Variants in SAMD5 observed in about 807,000 individuals in gnomAD.
The protein encoded by SAMD5 is sterile alpha motif domain containing 5, also known as sterile alpha motif domain-containing protein 5.
A neutral mutation model predicts 11.3 loss-of-function variants in SAMD5; 13 were observed. The ratio of observed to expected loss-of-function variants is 1.15; its 90% CI spans 0.75 to 1.83. The LOEUF is 1.83. SAMD5 is among the 40% of genes most tolerant of loss of function. SAMD5 has a pLI of 0.00. For synonymous variants in SAMD5, 129 were observed against 111.3 expected, an observed-to-expected ratio of 1.16 and a Z score of -1.00; for missense variants, 255 against 239.1, an observed-to-expected ratio of 1.07 and a Z score of -0.44.
At chr6:147,863,641 A>T in the SAMD5 span, among the ~76,000 whole-genome samples, 9 of 150,870 alleles carry the variant, frequency 6.0e-5, no homozygotes, top group South Asian at 1.9e-3. Context: ...TCAGGCAGAC[A>T]TTTATAGATA....
At chr6:147,842,350 G>A in the SAMD5 span, among the ~76,000 whole-genome samples, 1 of 151,896 alleles carries the variant, frequency 6.6e-6, no homozygotes, top group Non-Finnish European at 1.5e-5. Flanking sequence ...TCAGCATTGT[G>A]TACCTGGTGA....
At chr6:147,873,725 T>A in the SAMD5 span, among the ~76,000 whole-genome samples, 2 of 152,174 alleles carry the variant, frequency 1.3e-5, no homozygotes, top group African/African-American at 4.8e-5. Context: ...AATAATGACT[T>A]ATTATTTAAT....
chr6:147,606,978 A>AAG (rs397708065), intron 1 of SAMD5, among the ~76,000 whole-genome samples: 5 of 148,154 alleles, frequency 3.4e-5, no homozygotes, highest in Non-Finnish European at 7.4e-5. Flanking sequence ...AAAAAAAAAA[A>AAG]CAGAAAGAGA....
the SAMD5 span, among the ~76,000 whole-genome samples, chr6:147,816,280 C>CAAAAAAAAAAAAAAAAAA: frequency 1.6e-4 from 2 of 12,728 alleles, no homozygotes; most frequent in African/African-American, 8.7e-4. Flanking sequence ...AACTCCGTCT[C>CAAAAAAAAAAAAAAAAAA]CAAAAAAAAA....
At chr6:147,699,389 C>T (rs894783075) in intron 1 of SAMD5, among the ~76,000 whole-genome samples, 1 of 152,138 alleles carries the variant, frequency 6.6e-6, no homozygotes, top group Non-Finnish European at 1.5e-5. Context: ...TTCCCTTGCC[C>T]CACCTACTTG....
chr6:147,925,646 A>G, the SAMD5 span, among the ~76,000 whole-genome samples: 34 of 151,422 alleles, frequency 2.2e-4, no homozygotes, highest in African/African-American at 5.8e-4. Context: ...GTATATGTTC[A>G]ACTATTATTC....
chr6:147,528,363 C>A (rs1788378049), intron 1 of SAMD5, among the ~76,000 whole-genome samples: 1 of 152,150 alleles, frequency 6.6e-6, no homozygotes, highest in Non-Finnish European at 1.5e-5. Context: ...AGGCCACGTG[C>A]CCCAGCTTGC....
At chr6:147,870,948 A>T in the SAMD5 span, among the ~76,000 whole-genome samples, 64 of 152,296 alleles carry the variant, frequency 4.2e-4, no homozygotes, top group East Asian at 5.6e-3. Flanking sequence ...CCACATTTGT[A>T]AAACAGGGAC....
the SAMD5 span, among the ~76,000 whole-genome samples, chr6:147,915,873 G>C: frequency 6.6e-6 from 1 of 151,554 alleles, no homozygotes; most frequent in Admixed American, 6.6e-5. Flanking sequence ...TTTACATTAG[G>C]TATATCTCCT....
At chr6:147,890,347 ATTTTTTC>A in the SAMD5 span, among the ~76,000 whole-genome samples, 1 of 149,856 alleles carries the variant, frequency 6.7e-6, no homozygotes, top group Non-Finnish European at 1.5e-5. Flanking sequence ...ATGAGGTATA[ATTTTTTC>A]AATTATCTTT....
intron 1 of SAMD5, among the ~76,000 whole-genome samples, chr6:147,702,509 TAC>T (rs1280539791): frequency 6.6e-6 from 1 of 152,216 alleles, no homozygotes; most frequent in Non-Finnish European, 1.5e-5. Flanking sequence ...AAAGATTTTC[TAC>T]AGAGTTAGGG....
chr6:147,952,597 G>A, the SAMD5 span, among the ~76,000 whole-genome samples: 8 of 152,136 alleles, frequency 5.3e-5, no homozygotes, highest in Non-Finnish European at 1.0e-4. Context: ...TGCAAGCACT[G>A]CCTCCCAGGT....
intron 1 of SAMD5, among the ~76,000 whole-genome samples, chr6:147,615,448 T>G (rs1036997665): frequency 5.3e-5 from 8 of 152,220 alleles, no homozygotes; most frequent in Middle Eastern, 3.2e-3. Flanking sequence ...AATAAATCAC[T>G]GATAATATTT....
intron 1 of SAMD5, among the ~76,000 whole-genome samples, chr6:147,595,569 C>T (rs1288363585): frequency 1.4e-5 from 2 of 143,628 alleles, no homozygotes; most frequent in African/African-American, 5.5e-5. Context: ...CTCTGTCACC[C>T]AGGCTGGAGT....
rs1316899978 is a variant in SAMD5 at position 147,568,327 on chromosome 6, T to C, written c.*3871T>C. 1 of 985,152 alleles carries C rather than the reference T, an allele frequency of 1.0e-6. No individual in the cohort carries two copies. Among genetic ancestry groups the C allele is most frequent in the Non-Finnish European group, 1.2e-6 (1 of 829,832 alleles). 61.0% of individuals were successfully genotyped at this position (985,152 alleles called of 1,614,324 possible). A position where few individuals can be genotyped will look rare whatever the true frequency, so the allele number is the denominator to read the frequency against. On this transcript the variant is annotated 3_prime_UTR_variant, in exon 2 of 2. Coordinates refer to ENST00000367474, the MANE Select transcript of SAMD5 (RefSeq NM_001030060.3). ...ATAAGAGCCTGAGTATTGTAACAGGTCTCTTGCACAGGGGGTTGAAAAATA... is the reference window on the plus strand; with the variant it reads ...ATAAGAGCCTGAGTATTGTAACAGGCCTCTTGCACAGGGGGTTGAAAAATA...
chr6:147,765,587 A>G, the SAMD5 span, among the ~76,000 whole-genome samples: 2 of 152,240 alleles, frequency 1.3e-5, no homozygotes, highest in East Asian at 3.8e-4. Context: ...TAATTAATTT[A>G]TCAGAGCAGA....
intron 1 of SAMD5, among the ~76,000 whole-genome samples, chr6:147,691,173 T>C (rs533891637): frequency 6.6e-6 from 1 of 152,260 alleles, no homozygotes; most frequent in East Asian, 1.9e-4. Context: ...TTTGTATTTT[T>C]AGTAGAGACA....
At chr6:147,877,408 G>A in the SAMD5 span, among the ~76,000 whole-genome samples, 1 of 151,990 alleles carries the variant, frequency 6.6e-6, no homozygotes, top group East Asian at 1.9e-4. Context: ...CAGAGAAACC[G>A]ACTTCAAATT....
At chr6:147,807,186 G>A in the SAMD5 span, among the ~76,000 whole-genome samples, 2 of 151,904 alleles carry the variant, frequency 1.3e-5, no homozygotes, top group East Asian at 1.9e-4. Context: ...TGCAAGCTCC[G>A]CCTCCCAGGT....
Sources: allele counts gnomAD v4.1 joint callset (sites outside exome capture counted in the v4.1 genomes callset), GRCh38; gene constraint gnomAD v4.1.1; transcripts MANE v1.5; gene names NCBI Gene and HGNC (gene_info 2026-07-23, HGNC 2026-07-21).